WIPF3: variants seen among roughly 807,000 people sequenced by gnomAD.
WIPF3 encodes the protein WAS/WASL-interacting protein family member 3.
In WIPF3, 33 loss-of-function variants were observed where a neutral mutation model predicts 38.9. That is an observed-to-expected ratio of 0.85 (90% CI 0.64 to 1.14). WIPF3 has a LOEUF of 1.14. Ranked by LOEUF, WIPF3 falls within the 50% of genes most tolerant of loss-of-function variation. The probability of loss-of-function intolerance (pLI) is 0.00; values close to 1 mark genes in which losing one functional copy is unlikely to be tolerated. For missense variants in WIPF3, 711 were observed against 652.5 expected, an observed-to-expected ratio of 1.09 and a Z score of -0.98; for synonymous variants, 324 against 269.3, an observed-to-expected ratio of 1.20 and a Z score of -1.99.
At position 29,870,027 on chromosome 7, in the gene WIPF3, T is replaced by C. The variant is rs1239754967; in HGVS notation, c.91-5803T>C. Among the ~76,000 whole-genome samples the C allele has an allele frequency of 2.0e-5, 3 of 152,188 alleles. No individual in the cohort carries two copies. The South Asian group carries it at 6.2e-4, about 32-fold the overall frequency. ...GGAATAACATGATCTGGGTAGTAGATGCTCTGCTAAGGGTAAGCATGTTGC... is the reference window on the plus strand; with the variant it reads ...GGAATAACATGATCTGGGTAGTAGACGCTCTGCTAAGGGTAAGCATGTTGC... On this transcript the variant is annotated intron_variant, in intron 2 of 8. Coordinates refer to ENST00000242140, the MANE Select transcript of WIPF3 (RefSeq NM_001080529.3).
chr7:29,820,080 CAGAG>C (rs1184958831), intron 1 of WIPF3, among the ~76,000 whole-genome samples: 1 of 152,010 alleles, frequency 6.6e-6, no homozygotes, highest in African/African-American at 2.4e-5. Flanking sequence ...ATGATAAGGA[CAGAG>C]AGAGAACCCA....
Position 29,884,124 on chromosome 7 carries a change from G to A in WIPF3, c.630G>A (p.Gly210=). 6.5e-7 allele frequency: 1 copy of A among 1,530,828 alleles called. No individual in the cohort carries two copies. Among genetic ancestry groups the A allele is most frequent in the Non-Finnish European group, 8.8e-7 (1 of 1,137,290 alleles). The allele number at this position is 1,530,828 out of a possible 1,614,324, so 94.8% of individuals were successfully genotyped here. The change falls in exon 5 of 9, where the codon GGG becomes GGA. Residue 210 remains glycine (G), a synonymous_variant. Coordinates refer to ENST00000242140, the MANE Select transcript of WIPF3 (RefSeq NM_001080529.3). ...CCCCACCCGGCCCACTGACCAAAGGGAACCTCCCGGTGGTTGCACCCCCCG... is the reference window on the plus strand; with the variant it reads ...CCCCACCCGGCCCACTGACCAAAGGAAACCTCCCGGTGGTTGCACCCCCCG... ...LVSPPGPLTK[G]NLPVVAPPVP... is the part of the protein sequence containing the mutation.
At chr7:29,837,288 G>A (rs180967262) in intron 2 of WIPF3, among the ~76,000 whole-genome samples, 34 of 152,154 alleles carry the variant, frequency 2.2e-4, no homozygotes, top group African/African-American at 7.2e-4. Flanking sequence ...CCCAGGAGGC[G>A]GAGCTTGCGG....
At chr7:29,903,948 A>G (rs1218632331) in intron 7 of WIPF3, among the ~76,000 whole-genome samples, 1 of 152,180 alleles carries the variant, frequency 6.6e-6, no homozygotes, top group African/African-American at 2.4e-5. Flanking sequence ...GTCAGCAGTT[A>G]CTCATCTTTT....
intron 2 of WIPF3, among the ~76,000 whole-genome samples, chr7:29,872,416 A>G (rs1231556153): frequency 2.0e-5 from 3 of 152,184 alleles, no homozygotes; most frequent in African/African-American, 7.2e-5. Context: ...AAGTCTAAAT[A>G]TACTGTATAT....
At chr7:29,811,638 G>C (rs1447515484) in intron 1 of WIPF3, among the ~76,000 whole-genome samples, 1 of 152,136 alleles carries the variant, frequency 6.6e-6, no homozygotes, top group Non-Finnish European at 1.5e-5. Flanking sequence ...ACTTTCTCCT[G>C]GCAGGTGTTC....
At chr7:29,898,413 C>T (rs960389393) in intron 7 of WIPF3, among the ~76,000 whole-genome samples, 5 of 152,212 alleles carry the variant, frequency 3.3e-5, no homozygotes, top group South Asian at 2.1e-4. Flanking sequence ...TCATTCCTCA[C>T]CTGAATTGTT....
intron 1 of WIPF3, among the ~76,000 whole-genome samples, chr7:29,828,953 G>A (rs760182507): frequency 3.3e-5 from 5 of 152,168 alleles, no homozygotes; most frequent in East Asian, 1.9e-4. Flanking sequence ...AAGAGCCTCC[G>A]TCATGGCAGC....
intron 2 of WIPF3, among the ~76,000 whole-genome samples, chr7:29,841,381 A>G (rs923100092): frequency 1.3e-5 from 2 of 152,210 alleles, no homozygotes; most frequent in African/African-American, 4.8e-5. Context: ...AGCGTGGAAC[A>G]GAGAAAAGGG....
rs1047126632 is a variant in WIPF3, at chr7:29,917,046, C to A, written c.*2530C>A. ...GATTCATTTCTTTGTACTTAATAAA[C>A]TTTAGTAAGTGGAAATGCTTCCAGT... On this transcript the variant is annotated 3_prime_UTR_variant, in exon 9 of 9. Transcript: ENST00000242140. 1 of 152,260 alleles carries A rather than the reference C, an allele frequency of 6.6e-6. No individual in the cohort carries two copies. Among genetic ancestry groups the A allele is most frequent in the African/African-American group, 2.4e-5 (1 of 41,544 alleles). 9.4% of individuals were successfully genotyped at this position (152,260 alleles called of 1,614,324 possible).
At chr7:29,868,280 A>G (rs1455422649) in intron 2 of WIPF3, among the ~76,000 whole-genome samples, 1 of 152,016 alleles carries the variant, frequency 6.6e-6, no homozygotes, top group Non-Finnish European at 1.5e-5. Flanking sequence ...AAGAAGAGAC[A>G]GGGGATAAAC....
At chr7:29,865,706 G>A (rs1398239752) in intron 2 of WIPF3, among the ~76,000 whole-genome samples, 1 of 152,150 alleles carries the variant, frequency 6.6e-6, no homozygotes, top group Non-Finnish European at 1.5e-5. Context: ...AGAAGGTTCT[G>A]GAATGGAAGA....
Position 29,809,495 on chromosome 7 carries a change from A to G in WIPF3, c.-58+2817A>G, listed in dbSNP as rs1038027278. Reference sequence around the variant, plus strand: ...GACTTTGCCGACAGCATGACAAAACAAACTTCGAGGGGAACTATTAAATAT... The same window carrying G: ...GACTTTGCCGACAGCATGACAAAACGAACTTCGAGGGGAACTATTAAATAT... On this transcript the variant is annotated intron_variant, in intron 1 of 8. Coordinates refer to ENST00000242140, the MANE Select transcript of WIPF3 (RefSeq NM_001080529.3). Among the ~76,000 whole-genome samples, 3 of 152,246 alleles carry G rather than the reference A, an allele frequency of 2.0e-5. No homozygotes were observed. The South Asian group carries it at 6.2e-4, about 31-fold the overall frequency.
intron 2 of WIPF3, among the ~76,000 whole-genome samples, chr7:29,848,210 C>T (rs1164548497): frequency 1.3e-5 from 2 of 152,184 alleles, no homozygotes; most frequent in East Asian, 3.9e-4. Context: ...ACTGTAACTG[C>T]TAAAGCTAGC....
intron 8 of WIPF3, among the ~76,000 whole-genome samples, chr7:29,910,295 C>G (rs116995452): frequency 0.02 from 3,082 of 152,212 alleles, 34 homozygotes; most frequent in South Asian, 0.058. Context: ...TCAAATATCT[C>G]CCAAAAAAGA....
At chr7:29,904,388 T>A in intron 8 of WIPF3, 26 bp downstream of exon 8, 1 of 1,610,152 alleles carries the variant, frequency 6.2e-7, no homozygotes, top group Non-Finnish European at 8.5e-7. Context: ...TGTCTCTGAA[T>A]GTAAAACCAG....
chr7:29,908,129 TAA>T (rs1379300770), intron 8 of WIPF3, among the ~76,000 whole-genome samples: 1 of 152,168 alleles, frequency 6.6e-6, no homozygotes, highest in Non-Finnish European at 1.5e-5. Flanking sequence ...AGTTTAGCTA[TAA>T]AGACAAATAG....
intron 8 of WIPF3, among the ~76,000 whole-genome samples, chr7:29,913,879 A>G (rs1366571601): frequency 1.3e-5 from 2 of 152,216 alleles, no homozygotes; most frequent in Non-Finnish European, 2.9e-5. Context: ...GCAGGCATGC[A>G]CCCAGATCAC....
intron 2 of WIPF3, among the ~76,000 whole-genome samples, chr7:29,851,723 G>T (rs1374403847): frequency 6.6e-6 from 1 of 152,230 alleles, no homozygotes; most frequent in Admixed American, 6.5e-5. Context: ...CCGCATGCTG[G>T]TGCAGGCTGG....
Sources: allele counts gnomAD v4.1 joint callset (sites outside exome capture counted in the v4.1 genomes callset), GRCh38; gene constraint gnomAD v4.1.1; transcripts MANE v1.5; gene names NCBI Gene and HGNC (gene_info 2026-07-23, HGNC 2026-07-21).